The following NECTIN3 variants were observed in gnomAD, a reference collection of about 807,000 sequenced individuals.
NECTIN3 encodes nectin cell adhesion molecule 3.
Under a neutral mutation model 49.4 loss-of-function variants are expected in NECTIN3, and 8 were observed. That is an observed-to-expected ratio of 0.16 (90% CI 0.10 to 0.29). The LOEUF is 0.29. Among genes scored for constraint, NECTIN3 ranks in the 10% least tolerant of loss-of-function variants. The pLI is 1.00. For synonymous variants in NECTIN3, 277 were observed against 241.1 expected, an observed-to-expected ratio of 1.15 and a Z score of -1.38; for missense variants, 581 against 654.6, an observed-to-expected ratio of 0.89 and a Z score of 1.23.
At position 111,133,727 on chromosome 3, in the gene NECTIN3, C is replaced by T. The variant is rs1383593832; in HGVS notation, c.1162C>T (p.Pro388Ser). 6.2e-7 allele frequency: 1 copy of T among 1,613,776 alleles called. No homozygotes were observed. Among genetic ancestry groups the T allele is most frequent in the Non-Finnish European group, 8.5e-7 (1 of 1,179,860 alleles). Residue 388 changes from proline to serine, a missense_variant, in exon 6 of 6, where the codon CCC (proline) becomes TCC (serine). Transcript: ENST00000485303. ...EDLATEPKKL[P>S]FPLSTLATIK... The stretch of plus-strand genomic sequence containing the variant: ...TCTAGCAACAGAACCTAAAAAATTG[C>T]CCTTCCCATTGTCAACTTTGGCAAC...
In NECTIN3 at chr3:111,134,535, A is replaced by G. The variant is rs1316207590; in HGVS notation, c.*320A>G. The G allele has an allele frequency of 3.0e-6, 3 of 992,372 alleles. No individual in the cohort carries two copies. Among genetic ancestry groups the G allele is most frequent in the Non-Finnish European group, 3.6e-6 (3 of 827,230 alleles). 61.5% of individuals were successfully genotyped at this position (992,372 alleles called of 1,614,324 possible). ...ACTTACTTGGTACAAAAATTTTTTA[A>G]AAAGGGAACTACCTTGACATTGTGT... On this transcript the variant is annotated 3_prime_UTR_variant, in exon 6 of 6. Transcript: ENST00000485303.
At chr3:111,119,021 ATATT>A in intron 3 of NECTIN3, 69 bp downstream of exon 3, 1 of 1,281,636 alleles carries the variant, frequency 7.8e-7, no homozygotes, top group Non-Finnish European at 1.1e-6. Context: ...TTTAGTTTGA[ATATT>A]TAATAGCTTT....
At chr3:111,117,658 A>G (rs1426704630) in intron 2 of NECTIN3, among the ~76,000 whole-genome samples, 1 of 152,092 alleles carries the variant, frequency 6.6e-6, no homozygotes, top group Non-Finnish European at 1.5e-5. Flanking sequence ...AATACCATCA[A>G]GAACAGATGG....
intron 4 of NECTIN3, among the ~76,000 whole-genome samples, chr3:111,125,178 G>A (rs544492714): frequency 2.6e-5 from 4 of 151,200 alleles, no homozygotes; most frequent in Non-Finnish European, 5.9e-5. Flanking sequence ...ACAGGCACCC[G>A]CCACCATGCC....
At chr3:111,117,848 G>T (rs932551908) in intron 2 of NECTIN3, among the ~76,000 whole-genome samples, 2 of 152,062 alleles carry the variant, frequency 1.3e-5, no homozygotes, top group African/African-American at 2.4e-5. Context: ...GATATTGGGG[G>T]CAGAGTAGAT....
intron 1 of NECTIN3, among the ~76,000 whole-genome samples, chr3:111,100,557 A>G (rs1458357497): frequency 6.6e-6 from 1 of 152,124 alleles, no homozygotes. Flanking sequence ...AATAAGAAAA[A>G]AACAGCCAAA....
At position 111,134,499 on chromosome 3, in the gene NECTIN3, T is replaced by A; in HGVS notation, c.*284T>A. ...ACACAGGTAAGAAGAAATGTCAACA[T>A]TAAATGTATGACTTACTTGGTACAA... is the stretch of plus-strand genomic sequence containing the variant. On this transcript the variant is annotated 3_prime_UTR_variant, in exon 6 of 6. Coordinates refer to ENST00000485303, the MANE Select transcript of NECTIN3 (RefSeq NM_015480.3). The A allele has an allele frequency of 9.5e-7, 1 of 1,052,324 alleles. No individual in the cohort carries two copies. The highest frequency in any genetic ancestry group is 1.1e-6 in the Non-Finnish European group (1 of 869,602). 65.2% of individuals were successfully genotyped at this position (1,052,324 alleles called of 1,614,324 possible).
At position 111,128,776 on chromosome 3, in the gene NECTIN3, C is replaced by G. The variant is rs541932695; in HGVS notation, c.1069+2441C>G. 2.9e-4 allele frequency among the ~76,000 whole-genome samples: 44 copies of G among 152,292 alleles called. 1 individual carries two copies. In the South Asian group the frequency reaches 8.7e-3, roughly 30 times the overall value. On this transcript the variant is annotated intron_variant, in intron 5 of 5. Coordinates refer to ENST00000485303, the MANE Select transcript of NECTIN3 (RefSeq NM_015480.3). ...CTTCAACTCTTCTACTACTACTACA[C>G]TAGTCTAAGCCATAAGCCACTCTTA...
At chr3:111,150,094 T>C (rs2034968966) in intron 7 of NECTIN3, among the ~76,000 whole-genome samples, 1 of 152,066 alleles carries the variant, frequency 6.6e-6, no homozygotes. Context: ...TTTTAGAATA[T>C]TCTGTGTTTC....
At chr3:111,141,397 A>AT (rs2034741245), downstream of NECTIN3, among the ~76,000 whole-genome samples, 1 of 151,998 alleles carries the variant, frequency 6.6e-6, no homozygotes, top group Non-Finnish European at 1.5e-5. Context: ...TTAGATGTGA[A>AT]TTAGGTGTAC....
At chr3:111,188,767 A>T (rs1013489365), upstream of NECTIN3, among the ~76,000 whole-genome samples, 1 of 152,180 alleles carries the variant, frequency 6.6e-6, no homozygotes, top group African/African-American at 2.4e-5. Flanking sequence ...TACCACATTT[A>T]ATAGGTGATG....
At chr3:111,091,529 C>G (rs1245871219) in intron 1 of NECTIN3, among the ~76,000 whole-genome samples, 1 of 152,182 alleles carries the variant, frequency 6.6e-6, no homozygotes, top group East Asian at 1.9e-4. Flanking sequence ...GGGATTATAA[C>G]AGGCGTGAGC....
At chr3:111,085,055 C>T (rs1017928172) in intron 1 of NECTIN3, among the ~76,000 whole-genome samples, 22 of 152,186 alleles carry the variant, frequency 1.4e-4, no homozygotes, top group Non-Finnish European at 1.5e-5. Flanking sequence ...TCTTGGCCTA[C>T]TGCTGCATTA....
intron 1 of NECTIN3, among the ~76,000 whole-genome samples, chr3:111,093,021 A>G (rs565777448): frequency 6.6e-6 from 1 of 152,098 alleles, no homozygotes; most frequent in Non-Finnish European, 1.5e-5. Flanking sequence ...TTTACACTTC[A>G]TTGTTAAATT....
chr3:111,118,248 C>CGCTA (rs1553723385), intron 2 of NECTIN3, among the ~76,000 whole-genome samples: 1 of 78,002 alleles, frequency 1.3e-5, no homozygotes, highest in African/African-American at 4.3e-5. Context: ...TAAAATGAAG[C>CGCTA]TATATATATA....
At chr3:111,117,228 A>G (rs1360638459) in intron 2 of NECTIN3, among the ~76,000 whole-genome samples, 2 of 152,100 alleles carry the variant, frequency 1.3e-5, no homozygotes, top group African/African-American at 2.4e-5. Context: ...TGAGTCAAAG[A>G]AAAAGTACAA....
intron 5 of NECTIN3, among the ~76,000 whole-genome samples, chr3:111,131,101 A>G (rs1241070742): frequency 6.6e-6 from 1 of 152,058 alleles, no homozygotes; most frequent in Non-Finnish European, 1.5e-5. Context: ...GAAGTCTAAA[A>G]GAAAAATAAG....
At chr3:111,086,052 A>G (rs2031904622) in intron 1 of NECTIN3, among the ~76,000 whole-genome samples, 1 of 152,078 alleles carries the variant, frequency 6.6e-6, no homozygotes, top group African/African-American at 2.4e-5. Context: ...GTAATTCCTT[A>G]ATGATTGAGA....
chr3:111,181,512 G>T (rs2035626809), intron 7 of NECTIN3, among the ~76,000 whole-genome samples: 1 of 151,980 alleles, frequency 6.6e-6, no homozygotes, highest in Admixed American at 6.6e-5. Context: ...TTCTCCATTT[G>T]CTGAAATAAT....
Sources: allele counts gnomAD v4.1 joint callset (sites outside exome capture counted in the v4.1 genomes callset), GRCh38; gene constraint gnomAD v4.1.1; transcripts MANE v1.5; gene names NCBI Gene and HGNC (gene_info 2026-07-23, HGNC 2026-07-21).